SEPTIN9: variants seen among roughly 807,000 people sequenced by gnomAD.
The protein encoded by SEPTIN9 is septin 9.
SEPTIN9 carries 13 observed loss-of-function variants against 56.6 expected under a neutral mutation model. The ratio of observed to expected loss-of-function variants is 0.23; its 90% CI spans 0.15 to 0.37. SEPTIN9 has a LOEUF of 0.37. SEPTIN9 is among the 10% of genes least tolerant of loss of function. SEPTIN9 has a pLI of 1.00. For synonymous variants in SEPTIN9, 332 were observed against 334.1 expected, an observed-to-expected ratio of 0.99 and a Z score of 0.07; for missense variants, 650 against 823.1, an observed-to-expected ratio of 0.79 and a Z score of 2.57.
Position 77,498,645 on chromosome 17 carries a change from C to G in SEPTIN9, c.1748C>G (p.Ala583Gly), listed in dbSNP as rs764077284. The part of the protein sequence containing the change: ...ANGMEEKEPE[A>G]PEM ...GGCATGGAGGAGAAGGAGCCAGAAG[C>G]CCCGGAGATGTAGACGCCACCCTGC... The change falls in exon 12 of 12, where the codon GCC becomes GGC. Residue 583 changes from alanine (A) to glycine (G), a missense_variant. Ala to Gly is a moderately conservative substitution (Grantham distance 60). Around this residue, in one of 2 missense-constraint regions of SEPTIN9, gnomAD observed 333 missense variants for 494.0 expected, o/e 0.67. Transcript: ENST00000427177. The G allele has an allele frequency of 1.2e-6, 2 of 1,609,018 alleles. No homozygotes were observed. Among genetic ancestry groups the G allele is most frequent in the East Asian group, 4.5e-5 (2 of 44,710 alleles).
chr17:77,493,134 C>T lies in SEPTIN9; in HGVS notation c.1573+58C>T, dbSNP rs312797. The T allele has an allele frequency of 0.47, 634,672 of 1,363,848 alleles. 151,219 individuals carry two copies. The highest frequency in any genetic ancestry group is 0.64 in the Middle Eastern group (3,637 of 5,646). The allele number at this position is 1,363,848 out of a possible 1,614,324, so 84.5% of individuals were successfully genotyped here. On this transcript the variant is annotated intron_variant, in intron 10 of 11. Coordinates refer to ENST00000427177, the MANE Select transcript of SEPTIN9 (RefSeq NM_001113491.2). ...ATGGGAAGACAGTCTCTTCTGCTGA[C>T]CCAGAGCCTGTGGGCCACGCCTGAG... is the stretch of plus-strand genomic sequence containing the variant.
intron 1 of SEPTIN9, among the ~76,000 whole-genome samples, chr17:77,290,328 G>T (rs1003050234): frequency 1.3e-5 from 2 of 148,514 alleles, no homozygotes; most frequent in Non-Finnish European, 3.0e-5. Flanking sequence ...CGCGATCTCC[G>T]CTCACTGCAA....
chr17:77,488,180 T>C, intron 5 of SEPTIN9, 60 bp from the exon 6 acceptor site: 1 of 1,516,122 alleles, frequency 6.6e-7, no homozygotes, highest in Non-Finnish European at 9.2e-7. Context: ...CAGTCAGGTG[T>C]GGGGTGTCTG....
At chr17:77,465,616 G>C (rs975882688) in intron 3 of SEPTIN9, among the ~76,000 whole-genome samples, 2 of 141,256 alleles carry the variant, frequency 1.4e-5, no homozygotes, top group African/African-American at 5.0e-5. Flanking sequence ...TCAACGCAGG[G>C]ATGGGTGGGG....
At chr17:77,393,629 G>C (rs1258126671) in intron 2 of SEPTIN9, among the ~76,000 whole-genome samples, 1 of 152,046 alleles carries the variant, frequency 6.6e-6, no homozygotes, top group Non-Finnish European at 1.5e-5. Flanking sequence ...CGCTCTTGTT[G>C]CCCAGGATAG....
intron 2 of SEPTIN9, among the ~76,000 whole-genome samples, chr17:77,401,413 T>C (rs543792500): frequency 2.6e-5 from 4 of 152,158 alleles, no homozygotes; most frequent in Non-Finnish European, 5.9e-5. Flanking sequence ...AGTGTGTGCC[T>C]TGGCTGGAGG....
Position 77,498,819 on chromosome 17 carries a change from G to T in SEPTIN9, c.*161G>T. ...GAAACAAGGGAAGGGGCCTCCCTCC[G>T]AGTGAGTCAGTGATGAGGCCGCGGC... On this transcript the variant is annotated 3_prime_UTR_variant, in exon 12 of 12. Coordinates refer to ENST00000427177, the MANE Select transcript of SEPTIN9 (RefSeq NM_001113491.2). 1.6e-6 allele frequency: 1 copy of T among 625,812 alleles called. No individual in the cohort carries two copies. Among genetic ancestry groups the T allele is most frequent in the Non-Finnish European group, 2.9e-6 (1 of 340,330 alleles). The allele number at this position is 625,812 out of a possible 1,614,324, so 38.8% of individuals were successfully genotyped here. A position where few individuals can be genotyped will look rare whatever the true frequency, so the allele number is the denominator to read the frequency against.
intron 2 of SEPTIN9, among the ~76,000 whole-genome samples, chr17:77,363,307 C>T (rs1004485300): frequency 6.7e-6 from 1 of 150,246 alleles, no homozygotes; most frequent in African/African-American, 2.4e-5. Flanking sequence ...CTTTCTCTGA[C>T]GTGATACAAT....
rs1390289227 is a variant in SEPTIN9, at chr17:77,318,419, A to G, written c.76+11222A>G. 1.3e-5 allele frequency among the ~76,000 whole-genome samples: 2 copies of G among 152,028 alleles called. No homozygotes were observed. The highest frequency in any genetic ancestry group is 2.9e-5 in the Non-Finnish European group (2 of 68,002). On this transcript the variant is annotated intron_variant, in intron 2 of 11. Transcript: ENST00000427177. The surrounding 1 kb of genome is among the most constrained non-coding windows in gnomAD (Gnocchi z 4.9). ...TGCTCTCGCCACAGCAAGATCTGCA[A>G]CTGAATCACAGATGCAAAAACTCTT...
At chr17:77,373,191 C>T (rs2034779575) in intron 2 of SEPTIN9, 1 of 1,083,584 alleles carries the variant, frequency 9.2e-7, no homozygotes, top group Non-Finnish European at 1.1e-6. Context: ...GCCCCAGCCC[C>T]CCAGGCCTGG....
chr17:77,293,471 A>T (rs1449327540), intron 1 of SEPTIN9, among the ~76,000 whole-genome samples: 1 of 152,126 alleles, frequency 6.6e-6, no homozygotes, highest in Non-Finnish European at 1.5e-5. Flanking sequence ...CCACTTGAGC[A>T]TTTAGAACAG....
intron 2 of SEPTIN9, among the ~76,000 whole-genome samples, chr17:77,382,873 C>G (rs560577717): frequency 6.6e-6 from 1 of 151,976 alleles, no homozygotes; most frequent in Non-Finnish European, 1.5e-5. Context: ...CCCTCCCTAG[C>G]CCCGCTGCCC....
At chr17:77,357,730 T>C (rs1478539180) in intron 2 of SEPTIN9, among the ~76,000 whole-genome samples, 1 of 152,144 alleles carries the variant, frequency 6.6e-6, no homozygotes. Context: ...TCCTCCTGCC[T>C]CAGCCTCCTG....
chr17:77,343,062 TG>T (rs1396526230), intron 2 of SEPTIN9, among the ~76,000 whole-genome samples: 1 of 149,564 alleles, frequency 6.7e-6, no homozygotes, highest in Non-Finnish European at 1.5e-5. Flanking sequence ...CCCCCAACTT[TG>T]TTTGGCATGT....
At chr17:77,469,776 C>CCCAT (rs1235471571) in intron 3 of SEPTIN9, 1 of 145,924 alleles carries the variant, frequency 6.9e-6, no homozygotes, top group Non-Finnish European at 1.5e-5. Flanking sequence ...CACCCACCCA[C>CCCAT]CCATCCACTC....
intron 3 of SEPTIN9, among the ~76,000 whole-genome samples, chr17:77,404,271 G>T (rs1300559448): frequency 2.6e-5 from 4 of 152,208 alleles, no homozygotes; most frequent in East Asian, 3.9e-4. Context: ...TTGAGACAGG[G>T]TCTTGCTCTG....
At position 77,488,768 on chromosome 17, in the gene SEPTIN9, A is replaced by T. The variant is rs1568117265; in HGVS notation, c.1166A>T (p.Lys389Ile). 1.2e-6 allele frequency: 2 copies of T among 1,613,888 alleles called. No individual in the cohort carries two copies. Among genetic ancestry groups the T allele is most frequent in the Non-Finnish European group, 1.7e-6 (2 of 1,179,962 alleles). ...IMKFINDQYE[K>I]YLQEEVNINR... ...AAGTTCATCAATGACCAGTACGAGA[A>T]ATACCTGCAGGAGGAGGTCAACATC... The change falls in exon 7 of 12, where the codon AAA (lysine) becomes ATA (isoleucine). Residue 389 changes from lysine (K) to isoleucine (I), a missense_variant. Transcript: ENST00000427177.
intron 3 of SEPTIN9, among the ~76,000 whole-genome samples, chr17:77,439,130 C>A (rs1240139025): frequency 6.6e-6 from 1 of 152,140 alleles, no homozygotes. Context: ...AAGTGACTGG[C>A]CCAGGGTCAT....
intron 2 of SEPTIN9, among the ~76,000 whole-genome samples, chr17:77,316,991 A>G (rs2032735176): frequency 6.6e-6 from 1 of 152,232 alleles, no homozygotes; most frequent in African/African-American, 2.4e-5. Flanking sequence ...GGGATTAAAG[A>G]AACAAACCAA....
Sources: allele counts gnomAD v4.1 joint callset (sites outside exome capture counted in the v4.1 genomes callset), GRCh38; gene constraint gnomAD v4.1.1; regional missense constraint gnomAD v4.1.1; non-coding constraint Gnocchi (gnomAD v3.1); transcripts MANE v1.5; gene names NCBI Gene and HGNC (gene_info 2026-07-23, HGNC 2026-07-21).